The following ATG5 variants were observed in gnomAD, a reference collection of about 807,000 sequenced individuals.
ATG5 encodes autophagy related 5, also known as autophagy protein 5.
ATG5 carries 14 observed loss-of-function variants against 36.5 expected under a neutral mutation model. That is an observed-to-expected ratio of 0.38 (90% CI 0.25 to 0.60). The LOEUF (loss-of-function observed/expected upper bound fraction) is 0.60. ATG5 is among the 20% of genes least tolerant of loss of function. The probability of loss-of-function intolerance (pLI) is 0.60; values close to 1 mark genes in which losing one functional copy is unlikely to be tolerated. For synonymous variants in ATG5, 95 were observed against 101.5 expected (o/e 0.94, Z 0.38); for missense variants, 195 against 326.7 (o/e 0.60, Z 3.11).
chr6:106,280,600 G>C (rs1365809774), intron 4 of ATG5, among the ~76,000 whole-genome samples: 1 of 152,010 alleles, frequency 6.6e-6, no homozygotes, highest in Non-Finnish European at 1.5e-5. Flanking sequence ...AGGGAGTTAG[G>C]TAAATGAGAC....
intron 6 of ATG5, among the ~76,000 whole-genome samples, chr6:106,214,699 A>G (rs1776974808): frequency 6.6e-6 from 1 of 152,214 alleles, no homozygotes; most frequent in African/African-American, 2.4e-5. Context: ...TTCTTCAAAT[A>G]AGCGCAACAC....
Position 106,259,794 on chromosome 6 carries a change from CAAGAAGATAGTTT to C in ATG5, c.479-11563_479-11551del, listed in dbSNP as rs199897926. Among the ~76,000 whole-genome samples the C allele has an allele frequency of 6.6e-5, 10 of 152,130 alleles. No homozygotes were observed. In the East Asian group the frequency reaches 1.9e-3, roughly 29 times the overall value. On this transcript the variant is annotated intron_variant, in intron 5 of 7. Transcript: ENST00000369076. Reference sequence around the variant, plus strand: ...GACAAAATCTAAGCATTAACAAAAACAAGAAGATAGTTTAAGAAAAAATAGTTGCAAAAGCACT... The same window carrying C: ...GACAAAATCTAAGCATTAACAAAAACAAGAAAAAATAGTTGCAAAAGCACT...
At chr6:106,251,901 C>A (rs571085480) in intron 5 of ATG5, among the ~76,000 whole-genome samples, 1 of 151,772 alleles carries the variant, frequency 6.6e-6, no homozygotes, top group South Asian at 2.1e-4. Context: ...AGTGCAGTGG[C>A]GAGATCTCTG....
At chr6:106,242,505 A>G (rs989249593) in intron 6 of ATG5, among the ~76,000 whole-genome samples, 2 of 151,932 alleles carry the variant, frequency 1.3e-5, no homozygotes, top group South Asian at 4.1e-4. Flanking sequence ...AATGTACAAC[A>G]GTGTGAACAT....
intron 1 of ATG5, among the ~76,000 whole-genome samples, chr6:106,321,211 C>T (rs1771050759): frequency 6.6e-6 from 1 of 152,166 alleles, no homozygotes; most frequent in Admixed American, 6.5e-5. Context: ...ATAATTTTCA[C>T]AGGGCTGTTA....
intron 1 of ATG5, among the ~76,000 whole-genome samples, chr6:106,319,017 G>A (rs1006208449): frequency 1.3e-5 from 2 of 152,282 alleles, no homozygotes; most frequent in East Asian, 1.9e-4. Flanking sequence ...AAAATGTGGA[G>A]CCAGACTGTC....
At chr6:106,298,992 C>T (rs927436312) in intron 3 of ATG5, among the ~76,000 whole-genome samples, 1 of 152,150 alleles carries the variant, frequency 6.6e-6, no homozygotes, top group Non-Finnish European at 1.5e-5. Context: ...CCTTCTAACC[C>T]ACAACACAGA....
chr6:106,305,820 C>T (rs1175993635), intron 3 of ATG5, among the ~76,000 whole-genome samples: 1 of 152,178 alleles, frequency 6.6e-6, no homozygotes, highest in African/African-American at 2.4e-5. Flanking sequence ...TATTGATAGC[C>T]TATTTCCAGG....
At chr6:106,191,961 C>A (rs1775981810) in intron 7 of ATG5, among the ~76,000 whole-genome samples, 1 of 152,066 alleles carries the variant, frequency 6.6e-6, no homozygotes, top group Non-Finnish European at 1.5e-5. Flanking sequence ...CATGGTAATA[C>A]CTCCTGAATT....
At chr6:106,192,900 G>A (rs1217466417) in intron 7 of ATG5, among the ~76,000 whole-genome samples, 1 of 152,128 alleles carries the variant, frequency 6.6e-6, no homozygotes, top group Non-Finnish European at 1.5e-5. Flanking sequence ...TGAATCCATC[G>A]ACATGAAAAA....
chr6:106,241,044 T>C (rs1282861265), intron 6 of ATG5, among the ~76,000 whole-genome samples: 1 of 152,142 alleles, frequency 6.6e-6, no homozygotes, highest in Non-Finnish European at 1.5e-5. Flanking sequence ...TCCCAGCTAC[T>C]CAGGAGGCTG....
chr6:106,198,179 T>C (rs1318855059), intron 7 of ATG5, among the ~76,000 whole-genome samples: 1 of 152,200 alleles, frequency 6.6e-6, no homozygotes, highest in African/African-American at 2.4e-5. Context: ...TATGAGTTAC[T>C]AAGGCAAAAT....
intron 1 of ATG5, among the ~76,000 whole-genome samples, chr6:106,317,889 A>G (rs1047973960): frequency 6.6e-6 from 1 of 152,230 alleles, no homozygotes; most frequent in African/African-American, 2.4e-5. Context: ...GTTATGACAA[A>G]TAAGTAAATC....
At chr6:106,198,900 C>T (rs1582537897) in intron 7 of ATG5, among the ~76,000 whole-genome samples, 1 of 151,626 alleles carries the variant, frequency 6.6e-6, no homozygotes, top group South Asian at 2.1e-4. Flanking sequence ...ATAAATAATG[C>T]TAAAAACTGA....
intron 2 of ATG5, among the ~76,000 whole-genome samples, chr6:106,312,659 C>CACACACAT (rs1198119994): frequency 2.1e-5 from 3 of 142,192 alleles, no homozygotes; most frequent in Non-Finnish European, 3.0e-5. Context: ...CACACACACA[C>CACACACAT]ATAAAAACCA....
intron 4 of ATG5, among the ~76,000 whole-genome samples, chr6:106,285,557 CT>C (rs1216103648): frequency 6.6e-6 from 1 of 152,136 alleles, no homozygotes; most frequent in Non-Finnish European, 1.5e-5. Context: ...TCCAGAGCAA[CT>C]CTTACTCTAG....
intron 6 of ATG5, among the ~76,000 whole-genome samples, chr6:106,229,522 CAG>C (rs1333240730): frequency 5.3e-5 from 8 of 151,940 alleles, no homozygotes; most frequent in African/African-American, 1.2e-4. Context: ...GAGAGACAAA[CAG>C]GGAGTCAGAG....
chr6:106,308,991 G>A (rs916746974), intron 2 of ATG5, among the ~76,000 whole-genome samples: 60 of 152,106 alleles, frequency 3.9e-4, no homozygotes, highest in African/African-American at 1.4e-3. Flanking sequence ...AAAAAAAACA[G>A]TATGAAGAAC....
chr6:106,239,249 G>A (rs540295603), intron 6 of ATG5, among the ~76,000 whole-genome samples: 378 of 151,564 alleles, frequency 2.5e-3, no homozygotes, highest in Non-Finnish European at 4.4e-3. Flanking sequence ...ACAAAATAAA[G>A]AAAAACAAAA....
Sources: allele counts gnomAD v4.1 joint callset (sites outside exome capture counted in the v4.1 genomes callset), GRCh38; gene constraint gnomAD v4.1.1; transcripts MANE v1.5; gene names NCBI Gene and HGNC (gene_info 2026-07-23, HGNC 2026-07-21).